Variants in PLA1A observed in about 807,000 individuals in gnomAD.
PLA1A encodes phosphatidylserine-specific phospholipase A1alpha.
A neutral mutation model predicts 49.4 loss-of-function variants in PLA1A; 47 were observed. That is an observed-to-expected ratio of 0.95 (90% CI 0.75 to 1.21). The LOEUF (loss-of-function observed/expected upper bound fraction) is 1.21, where lower values mean the gene tolerates loss of function less well. PLA1A is among the 50% of genes most tolerant of loss of function. The pLI is 0.00. For missense variants in PLA1A, 561 were observed against 563.9 expected, an observed-to-expected ratio of 0.99 and a Z score of 0.05; for synonymous variants, 224 against 207.9, an observed-to-expected ratio of 1.08 and a Z score of -0.67.
At position 119,604,635 on chromosome 3, in the gene PLA1A, G is replaced by T. The variant is rs1442310085; in HGVS notation, c.74-2139G>T. On this transcript the variant is annotated intron_variant, in intron 1 of 10. Transcript: ENST00000273371. ...GGGGGAAGGAGTTGGGAATGAAGGG[G>T]AGAAAAGAATATACATGTATTTATT... 2.6e-5 allele frequency among the ~76,000 whole-genome samples: 4 copies of T among 152,094 alleles called. No homozygotes were observed. In the South Asian group the frequency reaches 8.3e-4, roughly 31 times the overall value.
intron 1 of PLA1A, 91 bp downstream of exon 1, chr3:119,598,077 C>CTT: frequency 1.3e-6 from 1 of 746,464 alleles, no homozygotes; most frequent in Non-Finnish European, 2.2e-6. Context: ...TTTGGAAGAT[C>CTT]CCCTAAAAGC....
intron 8 of PLA1A, among the ~76,000 whole-genome samples, chr3:119,622,929 C>G (rs1434523191): frequency 2.6e-5 from 4 of 151,986 alleles, no homozygotes; most frequent in Non-Finnish European, 5.9e-5. Context: ...TGGGTTCAAG[C>G]AATTCTTCTG....
At chr3:119,599,535 C>G (rs1251715252) in intron 1 of PLA1A, among the ~76,000 whole-genome samples, 1 of 152,130 alleles carries the variant, frequency 6.6e-6, no homozygotes, top group East Asian at 1.9e-4. Flanking sequence ...AGCAAATTGG[C>G]ATCAAACTCT....
At chr3:119,607,596 G>A (rs2082706273) in intron 2 of PLA1A, among the ~76,000 whole-genome samples, 1 of 152,210 alleles carries the variant, frequency 6.6e-6, no homozygotes. Flanking sequence ...CAATGAAAAG[G>A]TAGACACAAA....
chr3:119,612,686 C>T lies in PLA1A; in HGVS notation c.563-331C>T, dbSNP rs1234952979. On this transcript the variant is annotated intron_variant, in intron 4 of 10. Coordinates refer to ENST00000273371, the MANE Select transcript of PLA1A (RefSeq NM_015900.4). ...TGTGTTTTTAGTAGAGACGGGGTTG[C>T]ACCATGTTAGCCAGGATGATCTCGA... Among the ~76,000 whole-genome samples, 4 of 152,170 alleles carry T rather than the reference C, an allele frequency of 2.6e-5. No individual in the cohort carries two copies. The East Asian group carries it at 7.7e-4, about 29-fold the overall frequency.
chr3:119,608,504 C>T (rs2082724428), intron 2 of PLA1A, among the ~76,000 whole-genome samples: 1 of 152,192 alleles, frequency 6.6e-6, no homozygotes, highest in Non-Finnish European at 1.5e-5. Flanking sequence ...AAGCTAAGTT[C>T]TGAACCCTAG....
chr3:119,628,007 T>G (rs1207629326), intron 9 of PLA1A, among the ~76,000 whole-genome samples: 1 of 151,718 alleles, frequency 6.6e-6, no homozygotes, highest in Non-Finnish European at 1.5e-5. Flanking sequence ...AAAGGGAATC[T>G]GGGGGGGCAA....
chr3:119,608,230 G>GAGAGAA (rs2082716100), intron 2 of PLA1A, among the ~76,000 whole-genome samples: 1 of 74,776 alleles, frequency 1.3e-5, no homozygotes, highest in Admixed American at 1.4e-4. Context: ...AAGAAAGAGA[G>GAGAGAA]AGAAAGAAAG....
chr3:119,599,703 G>A (rs1027245679), intron 1 of PLA1A, among the ~76,000 whole-genome samples: 1 of 152,192 alleles, frequency 6.6e-6, no homozygotes, highest in African/African-American at 2.4e-5. Context: ...TGGGCAGGAA[G>A]TGGGCTTATA....
chr3:119,608,735 G>A, intron 2 of PLA1A, 35 bp from the exon 3 acceptor site: 3 of 1,526,210 alleles, frequency 2.0e-6, no homozygotes, highest in Non-Finnish European at 2.7e-6. Context: ...CACTTGGCAG[G>A]TAATTTTTCC....
intron 4 of PLA1A, among the ~76,000 whole-genome samples, chr3:119,612,710 G>A (rs1034389104): frequency 9.9e-5 from 15 of 152,076 alleles, no homozygotes; most frequent in African/African-American, 3.4e-4. Context: ...GGATGATCTC[G>A]ATCTCCTGAC....
intron 4 of PLA1A, among the ~76,000 whole-genome samples, chr3:119,611,404 G>A (rs564067526): frequency 9.2e-5 from 14 of 152,140 alleles, no homozygotes; most frequent in Non-Finnish European, 1.5e-4. Flanking sequence ...AGATTGCTTT[G>A]GGCAAAATGG....
chr3:119,625,237 G>T lies in PLA1A; in HGVS notation c.1121+5G>T. 6.4e-7 allele frequency: 1 copy of T among 1,574,236 alleles called. No individual in the cohort carries two copies. Among genetic ancestry groups the T allele is most frequent in the Non-Finnish European group, 8.7e-7 (1 of 1,143,850 alleles). ...CTCTTCATCTAAGATCACCATGTACGTAAGTGTCCCACCTGGTTGACTCCT... is the reference window on the plus strand; with the variant it reads ...CTCTTCATCTAAGATCACCATGTACTTAAGTGTCCCACCTGGTTGACTCCT... On this transcript the variant is annotated splice_donor_5th_base_variant and intron_variant, in intron 9 of 10. Transcript: ENST00000273371.
chr3:119,599,186 T>G (rs1320102280), intron 1 of PLA1A, among the ~76,000 whole-genome samples: 1 of 152,174 alleles, frequency 6.6e-6, no homozygotes, highest in Non-Finnish European at 1.5e-5. Context: ...GTGGCTTTCT[T>G]TACCTGTAGC....
At chr3:119,604,885 T>A (rs1193108728) in intron 1 of PLA1A, among the ~76,000 whole-genome samples, 1 of 152,192 alleles carries the variant, frequency 6.6e-6, no homozygotes, top group African/African-American at 2.4e-5. Flanking sequence ...CATGTCCAAA[T>A]GTATATTAAA....
chr3:119,620,612 G>A (rs974618947), intron 8 of PLA1A, among the ~76,000 whole-genome samples: 12 of 152,186 alleles, frequency 7.9e-5, no homozygotes, highest in Non-Finnish European at 4.4e-5. Flanking sequence ...AACCAATTGT[G>A]AGTATAAAAT....
At position 119,629,726 on chromosome 3, in the gene PLA1A, T is replaced by A; in HGVS notation, c.*258T>A. On this transcript the variant is annotated 3_prime_UTR_variant, in exon 11 of 11. Coordinates refer to ENST00000273371, the MANE Select transcript of PLA1A (RefSeq NM_015900.4). ...CATACTTAACTGCACTTGCTTTATC[T>A]CCTTGGGCATTCGTACTTAGGATTC... 1 of 440,026 alleles carries A rather than the reference T, an allele frequency of 2.3e-6. No individual in the cohort carries two copies. Among genetic ancestry groups the A allele is most frequent in the Non-Finnish European group, 4.0e-6 (1 of 247,746 alleles). The allele number at this position is 440,026 out of a possible 1,614,324, so 27.3% of individuals were successfully genotyped here.
chr3:119,604,210 A>T (rs1190602533), intron 1 of PLA1A, among the ~76,000 whole-genome samples: 2 of 152,222 alleles, frequency 1.3e-5, no homozygotes, highest in Non-Finnish European at 2.9e-5. Context: ...AGAAAACTAA[A>T]GATAGAACTT....
At chr3:119,608,246 AAG>A (rs1560078842) in intron 2 of PLA1A, among the ~76,000 whole-genome samples, 1 of 43,718 alleles carries the variant, frequency 2.3e-5, no homozygotes, top group Non-Finnish European at 6.2e-5. Flanking sequence ...GAAAGAGAGA[AAG>A]AAAGAAAGAA....
Sources: gnomAD v4.1 joint callset for allele counts (sites outside exome capture counted in the v4.1 genomes callset) on GRCh38, gnomAD v4.1.1 for gene constraint, MANE v1.5 for transcripts, NCBI Gene and HGNC (gene_info 2026-07-23, HGNC 2026-07-21) for gene names.